The following NIPBL variants were observed in gnomAD, a reference collection of about 807,000 sequenced individuals.
The protein encoded by NIPBL is NIPBL cohesin loading factor, also known as nipped-B-like protein.
In NIPBL, 19 loss-of-function variants were observed where a neutral mutation model predicts 321.8. The observed-to-expected ratio is 0.06, with a 90% CI of 0.04 to 0.09. The LOEUF is 0.09. NIPBL is among the 10% of genes least tolerant of loss of function. The probability of loss-of-function intolerance (pLI) is 1.00; values close to 1 mark genes in which losing one functional copy is unlikely to be tolerated. For missense variants in NIPBL, 2,210 were observed against 3,327.0 expected, an observed-to-expected ratio of 0.66 and a Z score of 8.26; for synonymous variants, 1,106 against 1,114.1, an observed-to-expected ratio of 0.99 and a Z score of 0.14.
At position 37,000,806 on chromosome 5, in the gene NIPBL, G is replaced by A. The variant is rs532689071; in HGVS notation, c.3503-11G>A. 1 of 1,602,360 alleles carries A rather than the reference G, an allele frequency of 6.2e-7. No individual in the cohort carries two copies. Among genetic ancestry groups the A allele is most frequent in the African/African-American group, 1.3e-5 (1 of 74,728 alleles). ...GTCCTGCATTTCAGTACTTCTTTTT[G>A]TTCGTTTTAGTTGCTAGGAAAATGA... On this transcript the variant is annotated splice_polypyrimidine_tract_variant and intron_variant, in intron 12 of 46. Transcript: ENST00000282516.
chr5:37,014,989 T>G (rs1748769239), intron 22 of NIPBL, among the ~76,000 whole-genome samples: 1 of 152,194 alleles, frequency 6.6e-6, no homozygotes, highest in Admixed American at 6.5e-5. Context: ...GTGAATTTGC[T>G]TATATGTTAG....
At chr5:37,016,293 T>G in intron 23 of NIPBL, 123 bp downstream of exon 23, 2 of 1,013,254 alleles carry the variant, frequency 2.0e-6, no homozygotes, top group Non-Finnish European at 3.0e-6. Flanking sequence ...TGCATCTCTT[T>G]TTGCATGTGC....
At chr5:36,972,168 A>G (rs1580362610) in intron 8 of NIPBL, 127 bp downstream of exon 8, 1 of 671,032 alleles carries the variant, frequency 1.5e-6, no homozygotes, top group East Asian at 2.7e-5. Context: ...AAAAAAAATA[A>G]ACCTGTACAA....
chr5:36,982,472 G>A (rs897939363), intron 9 of NIPBL, among the ~76,000 whole-genome samples: 1 of 151,688 alleles, frequency 6.6e-6, no homozygotes, highest in Non-Finnish European at 1.5e-5. Flanking sequence ...AGGTTTTACA[G>A]GAGTAAAGTA....
intron 6 of NIPBL, among the ~76,000 whole-genome samples, chr5:36,969,537 G>A (rs1742621682): frequency 6.6e-6 from 1 of 152,196 alleles, no homozygotes; most frequent in Non-Finnish European, 1.5e-5. Flanking sequence ...AATTAATGAT[G>A]CAGTTGTTCA....
At chr5:36,915,818 T>C (rs1288897228) in intron 1 of NIPBL, among the ~76,000 whole-genome samples, 1 of 152,166 alleles carries the variant, frequency 6.6e-6, no homozygotes, top group African/African-American at 2.4e-5. Flanking sequence ...ACTGACTTCA[T>C]CTTTTGTGAA....
intron 1 of NIPBL, among the ~76,000 whole-genome samples, chr5:36,944,386 A>G (rs973187893): frequency 2.6e-5 from 4 of 152,042 alleles, no homozygotes; most frequent in East Asian, 3.9e-4. Context: ...GATCTTACCT[A>G]TTGGGAGAGT....
At chr5:36,895,758 T>C (rs1370993109) in intron 1 of NIPBL, among the ~76,000 whole-genome samples, 1 of 152,212 alleles carries the variant, frequency 6.6e-6, no homozygotes, top group East Asian at 1.9e-4. Context: ...GTGTATCTTC[T>C]TTGGAGCAAC....
chr5:37,020,339 A>G, intron 25 of NIPBL, 120 bp from the exon 26 acceptor site: 1 of 720,338 alleles, frequency 1.4e-6, no homozygotes, highest in Non-Finnish European at 2.4e-6. Context: ...TATCACATGG[A>G]AGTTGTTTTA....
chr5:37,018,527 G>A (rs902603008), intron 24 of NIPBL, among the ~76,000 whole-genome samples: 11 of 152,098 alleles, frequency 7.2e-5, no homozygotes, highest in Non-Finnish European at 1.2e-4. Flanking sequence ...GGGATCAGTT[G>A]TTTCTCCTAG....
At chr5:37,036,528 A>G (rs1265897960) in intron 33 of NIPBL, 41 bp downstream of exon 33, 6 of 841,320 alleles carry the variant, frequency 7.1e-6, no homozygotes, top group Middle Eastern at 4.0e-4. Flanking sequence ...AGTTGATTTT[A>G]TAAGATATTT....
chr5:37,059,271 C>G, intron 44 of NIPBL, 106 bp downstream of exon 44: 1 of 1,210,694 alleles, frequency 8.3e-7, no homozygotes. Context: ...TTTTGGGAGG[C>G]TGAGGCGGGC....
Position 37,064,715 on chromosome 5 carries a change from C to T in NIPBL, c.8238C>T (p.Gly2746=), listed in dbSNP as rs1579634014. ...AGTGGATGGCAGGCTCCTACAGTGGCTCCTGGACTGAGGCTAAGCGCCGTG... is the reference window on the plus strand; with the variant it reads ...AGTGGATGGCAGGCTCCTACAGTGGTTCCTGGACTGAGGCTAAGCGCCGTG... ...SVQWMAGSYS[G]SWTEAKRRDG... The change falls in exon 47 of 47, where the codon GGC becomes GGT. Residue 2746 remains glycine, a synonymous_variant. Transcript: ENST00000282516. 6.2e-7 allele frequency: 1 copy of T among 1,614,154 alleles called. No homozygotes were observed. The highest frequency in any genetic ancestry group is 2.2e-5 in the East Asian group (1 of 44,886).
rs577822224 is a variant in NIPBL, at chr5:36,950,361, A to G, written c.-79-3257A>G. 3.9e-5 allele frequency among the ~76,000 whole-genome samples: 6 copies of G among 152,176 alleles called. No individual in the cohort carries two copies. In the East Asian group the frequency reaches 1.2e-3, roughly 29 times the overall value. On this transcript the variant is annotated intron_variant, in intron 1 of 46. Transcript: ENST00000282516. ...GATCACTTACTATGTGCCAGGTGGT[A>G]TGTCAAATGATATATGTGCATTATT... is the stretch of plus-strand genomic sequence containing the variant.
rs779477723 is a variant in NIPBL at position 37,038,586 on chromosome 5, CTGTT to C, written c.5972-10_5972-7del. 1.1e-5 allele frequency: 17 copies of C among 1,611,596 alleles called. No individual in the cohort carries two copies. The highest frequency in any genetic ancestry group is 2.7e-5 in the African/African-American group (2 of 74,948). On this transcript the variant is annotated splice_polypyrimidine_tract_variant and intron_variant, in intron 33 of 46. Coordinates refer to ENST00000282516, the MANE Select transcript of NIPBL (RefSeq NM_133433.4). ...TGTCATATTTTAGTGTCTTATTTCTCTGTTTGTTTTTCCAGACTCTGACAATAAA... is the reference window on the plus strand; with the variant it reads ...TGTCATATTTTAGTGTCTTATTTCTCTGTTTTTCCAGACTCTGACAATAAA...
At chr5:36,888,906 A>G (rs553676463) in intron 1 of NIPBL, among the ~76,000 whole-genome samples, 1 of 152,248 alleles carries the variant, frequency 6.6e-6, no homozygotes, top group East Asian at 1.9e-4. Flanking sequence ...CTAAAGAAGT[A>G]ATATGTGCTA....
At position 37,019,404 on chromosome 5, in the gene NIPBL, G is replaced by A. The variant is rs772531744; in HGVS notation, c.5010+4G>A. On this transcript the variant is annotated splice_donor_region_variant and intron_variant, in intron 25 of 46. Transcript: ENST00000282516. ...TGAGACTGATCCTTCACTAGTGGTAGGATTCTTTTCCCCTGTTTTGGAGAT... is the reference window on the plus strand; with the variant it reads ...TGAGACTGATCCTTCACTAGTGGTAAGATTCTTTTCCCCTGTTTTGGAGAT... 2.5e-6 allele frequency: 4 copies of A among 1,603,922 alleles called. No individual in the cohort carries two copies. The highest frequency in any genetic ancestry group is 3.4e-6 in the Non-Finnish European group (4 of 1,171,024).
intron 32 of NIPBL, among the ~76,000 whole-genome samples, chr5:37,030,098 A>G (rs1750789420): frequency 6.6e-6 from 1 of 152,224 alleles, no homozygotes; most frequent in South Asian, 2.1e-4. Flanking sequence ...AAAAGAATCT[A>G]CAATAATGTC....
At chr5:36,925,985 G>C (rs1017585896) in intron 1 of NIPBL, among the ~76,000 whole-genome samples, 1 of 151,814 alleles carries the variant, frequency 6.6e-6, no homozygotes, top group Non-Finnish European at 1.5e-5. Context: ...TCTCATTTTC[G>C]TACCCATTCT....
Sources: gnomAD v4.1 joint callset for allele counts (sites outside exome capture counted in the v4.1 genomes callset) on GRCh38, gnomAD v4.1.1 for gene constraint, MANE v1.5 for transcripts, NCBI Gene and HGNC (gene_info 2026-07-23, HGNC 2026-07-21) for gene names.